Variants in CHRDL1 observed in about 807,000 individuals in gnomAD.
CHRDL1 encodes the protein chordin-like protein 1.
CHRDL1 carries 19 observed loss-of-function variants against 40.9 expected under a neutral mutation model. That is an observed-to-expected ratio of 0.46 (90% CI 0.32 to 0.68). CHRDL1 has a LOEUF of 0.68. Among genes scored for constraint, CHRDL1 ranks in the 30% least tolerant of loss-of-function variants. The probability of loss-of-function intolerance (pLI) is 0.03; values close to 1 mark genes in which losing one functional copy is unlikely to be tolerated. For synonymous variants in CHRDL1, 136 were observed against 123.4 expected (o/e 1.10, Z -0.68); for missense variants, 329 against 352.1 (o/e 0.93, Z 0.53).
intron 4 of CHRDL1, among the ~76,000 whole-genome samples, chrX:110,736,699 T>G (rs1022034548): frequency 3.6e-5 from 4 of 111,653 alleles, no homozygotes; most frequent in African/African-American, 1.3e-4. Flanking sequence ...TGATGAAAGA[T>G]GTCACTGATA....
At chrX:110,737,281 A>T (rs948938516) in intron 4 of CHRDL1, among the ~76,000 whole-genome samples, 1 of 112,147 alleles carries the variant, frequency 8.9e-6, no homozygotes, top group Non-Finnish European at 1.9e-5. Flanking sequence ...TGAGAGGAGA[A>T]GGAGGGAATG....
chrX:110,714,111 C>T (rs1191689749), intron 6 of CHRDL1, among the ~76,000 whole-genome samples: 1 of 110,727 alleles, frequency 9.0e-6, no homozygotes, highest in African/African-American at 3.3e-5. Context: ...TAGGTAAACT[C>T]CTGTCATGAG....
Position 110,676,215 on chromosome X carries a change from A to G in CHRDL1, c.*16T>C. On this transcript the variant is annotated 3_prime_UTR_variant, in exon 12 of 12. Transcript: ENST00000372042. ...GAGTTTTCTTGCTTTACCCTATCCA[A>G]TACTGTCTGTCTTGCCTAACAGTGG... The G allele has an allele frequency of 8.3e-7, 1 of 1,206,735 alleles. No individual in the cohort carries two copies.
intron 4 of CHRDL1, among the ~76,000 whole-genome samples, chrX:110,737,180 G>A (rs1191568984): frequency 8.9e-6 from 1 of 112,136 alleles, no homozygotes; most frequent in Non-Finnish European, 1.9e-5. Context: ...TCAAAAGGAA[G>A]TACTTGACTA....
At chrX:110,689,572 CTATATA>C (rs1381910225) in intron 8 of CHRDL1, among the ~76,000 whole-genome samples, 1 of 3,369 alleles carries the variant, frequency 3.0e-4, no homozygotes, top group African/African-American at 2.3e-3. Flanking sequence ...CTATATATAT[CTATATA>C]TCTATATATC....
intron 8 of CHRDL1, among the ~76,000 whole-genome samples, chrX:110,691,607 T>A (rs775106818): frequency 9.0e-5 from 10 of 111,440 alleles, no homozygotes; most frequent in Non-Finnish European, 7.5e-5. Context: ...TTTCTAGGAA[T>A]TGGCTGATTT....
At chrX:110,720,799 C>T (rs960552113) in intron 5 of CHRDL1, among the ~76,000 whole-genome samples, 2 of 111,234 alleles carry the variant, frequency 1.8e-5, no homozygotes, top group African/African-American at 3.3e-5. Flanking sequence ...TTATATTCTC[C>T]GGACTGCATA....
chrX:110,793,727 A>G (rs147976875), intron 1 of CHRDL1, among the ~76,000 whole-genome samples: 1,377 of 112,406 alleles, frequency 0.012, 20 homozygotes, highest in African/African-American at 0.043. Context: ...ACATTCATAT[A>G]TGGATTTCAA....
rs2071234011 is a variant in CHRDL1, at chrX:110,734,792, T to C, written c.302-13262A>G. Among the ~76,000 whole-genome samples the C allele has an allele frequency of 3.6e-5, 4 of 111,932 alleles. No individual in the cohort carries two copies. In the South Asian group the frequency reaches 1.5e-3, roughly 42 times the overall value. On this transcript the variant is annotated intron_variant, in intron 4 of 11. Coordinates refer to ENST00000372042, the MANE Select transcript of CHRDL1 (RefSeq NM_001143981.2). Reference sequence around the variant, plus strand: ...GGATTATGTAGCCCAACAAAAAGAATCCCTTCCATGGTGAATCTGATAGAT... The same window carrying C: ...GGATTATGTAGCCCAACAAAAAGAACCCCTTCCATGGTGAATCTGATAGAT...
chrX:110,785,795 C>T (rs1328052169), intron 2 of CHRDL1, among the ~76,000 whole-genome samples: 1 of 111,611 alleles, frequency 9.0e-6, no homozygotes, highest in Non-Finnish European at 1.9e-5. Flanking sequence ...AAATCAGAAA[C>T]AAATCATGTT....
chrX:110,711,828 G>T (rs1416098795), intron 6 of CHRDL1, among the ~76,000 whole-genome samples: 1 of 112,069 alleles, frequency 8.9e-6, no homozygotes, highest in Admixed American at 9.5e-5. Context: ...CACTTATCTT[G>T]AACACTGACT....
chrX:110,774,775 C>A (rs767865361), intron 2 of CHRDL1, among the ~76,000 whole-genome samples: 1 of 111,739 alleles, frequency 8.9e-6, no homozygotes, highest in South Asian at 3.8e-4. Flanking sequence ...ACAGGACATT[C>A]TTCTCATATA....
At chrX:110,687,647 G>C (rs1158249797) in intron 9 of CHRDL1, among the ~76,000 whole-genome samples, 1 of 111,411 alleles carries the variant, frequency 9.0e-6, no homozygotes, top group Non-Finnish European at 1.9e-5. Context: ...TCGACTCTTC[G>C]AATGTTGGAG....
chrX:110,723,767 G>T (rs777811511), intron 4 of CHRDL1, among the ~76,000 whole-genome samples: 13 of 112,480 alleles, frequency 1.2e-4, no homozygotes, highest in Non-Finnish European at 1.1e-4. Flanking sequence ...TGGCTTCAGC[G>T]ATTTGGGTAA....
rs1177104424 is a variant in CHRDL1, at chrX:110,689,817, CTATATATCTATATATCTA to C, written c.779-1032_779-1015del. ...TATACATCTATATATCTATATATATCTATATATCTATATATCTATATATATCTATATATCTATATATAT... is the reference window on the plus strand; with the variant it reads ...TATACATCTATATATCTATATATATCTATATATCTATATATCTATATATAT... On this transcript the variant is annotated intron_variant, in intron 8 of 11. Transcript: ENST00000372042. Among the ~76,000 whole-genome samples, 140 of 44,312 alleles carry C rather than the reference CTATATATCTATATATCTA, an allele frequency of 3.2e-3. 8 individuals carry two copies. The highest frequency in any genetic ancestry group is 0.011 in the East Asian group (21 of 1,843). The allele number at this position is 44,312 out of a possible 115,157, so 38.5% of individuals were successfully genotyped here.
intron 4 of CHRDL1, among the ~76,000 whole-genome samples, chrX:110,750,666 CCAA>C (rs747546365): frequency 4.5e-5 from 5 of 111,799 alleles, no homozygotes; most frequent in African/African-American, 1.3e-4. Context: ...TCATTTCTCG[CCAA>C]CAACAAGTCA....
chrX:110,676,190 G>C lies in CHRDL1; in HGVS notation c.*41C>G, dbSNP rs1299989020. 8.5e-7 allele frequency: 1 copy of C among 1,174,647 alleles called. No homozygotes were observed. The highest frequency in any genetic ancestry group is 1.8e-5 in the African/African-American group (1 of 55,897). The stretch of plus-strand genomic sequence containing the variant: ...TAAGCCTGCAGTCCAGCTGCAGCTT[G>C]AGTTTTCTTGCTTTACCCTATCCAA... On this transcript the variant is annotated 3_prime_UTR_variant, in exon 12 of 12. Coordinates refer to ENST00000372042, the MANE Select transcript of CHRDL1 (RefSeq NM_001143981.2).
chrX:110,767,733 C>T (rs759913566), intron 2 of CHRDL1, among the ~76,000 whole-genome samples: 5 of 111,078 alleles, frequency 4.5e-5, no homozygotes, highest in African/African-American at 6.5e-5. Context: ...TCATAGATGA[C>T]ACAAACACAT....
At chrX:110,790,541 GT>G (rs2090082641) in intron 2 of CHRDL1, among the ~76,000 whole-genome samples, 2 of 111,403 alleles carry the variant, frequency 1.8e-5, no homozygotes, top group Middle Eastern at 9.3e-3. Context: ...TATAAGGGAA[GT>G]TTCTCTCTAA....
Sources: allele counts gnomAD v4.1 joint callset (sites outside exome capture counted in the v4.1 genomes callset), GRCh38; gene constraint gnomAD v4.1.1; transcripts MANE v1.5; gene names NCBI Gene and HGNC (gene_info 2026-07-23, HGNC 2026-07-21).